MERTK: variants seen among roughly 807,000 people sequenced by gnomAD.
MERTK encodes the protein tyrosine-protein kinase Mer.
Under a neutral mutation model 99.3 loss-of-function variants are expected in MERTK, and 69 were observed. That is an observed-to-expected ratio of 0.70 (90% CI 0.57 to 0.85). The LOEUF is 0.85. Ranked by LOEUF, MERTK falls within the 40% of genes least tolerant of loss-of-function variation. The pLI, the probability that MERTK is intolerant of heterozygous loss-of-function variation, is 0.00. For missense variants in MERTK, 1,125 were observed against 1,249.4 expected (o/e 0.90, Z 1.50); for synonymous variants, 426 against 467.6 (o/e 0.91, Z 1.15).
At chr2:111,928,054 A>C (rs1453524731) in intron 1 of MERTK, among the ~76,000 whole-genome samples, 1 of 152,160 alleles carries the variant, frequency 6.6e-6, no homozygotes, top group Non-Finnish European at 1.5e-5. Context: ...AAACCATCTA[A>C]AATACTTGTG....
chr2:111,937,242 C>T (rs1684780170), intron 2 of MERTK, among the ~76,000 whole-genome samples: 2 of 151,044 alleles, frequency 1.3e-5, no homozygotes, highest in South Asian at 2.1e-4. Flanking sequence ...CCAGGGAGTT[C>T]GAGACCAGCC....
At position 111,898,774 on chromosome 2, in the gene MERTK, C is replaced by A; in HGVS notation, c.39C>A (p.Phe13Leu). 1.2e-6 allele frequency: 2 copies of A among 1,600,776 alleles called. No homozygotes were observed. The highest frequency in any genetic ancestry group is 1.7e-6 in the Non-Finnish European group (2 of 1,174,426). ...CGCTGCCGCTGCTGCTGGGCCTCTT[C>A]CTCCCCGCGCTCTGGCGTAGAGGTG... ...PAPLPLLLGL[F>L]LPALWRRAIT... The change falls in exon 1 of 19, where the codon TTC (phenylalanine) becomes TTA (leucine). Residue 13 changes from phenylalanine to leucine, a missense_variant. Phe to Leu is a conservative substitution (Grantham distance 22). Coordinates refer to ENST00000295408, the MANE Select transcript of MERTK (RefSeq NM_006343.3).
At chr2:112,008,269 T>C (rs1443215946) in intron 13 of MERTK, 114 bp from the exon 14 acceptor site, 36 of 773,654 alleles carry the variant, frequency 4.7e-5, no homozygotes, top group Admixed American at 3.6e-4. Context: ...TTCCTGTCTC[T>C]ATACTTTCAT....
At chr2:111,998,050 G>A (rs911097258) in intron 10 of MERTK, among the ~76,000 whole-genome samples, 1 of 152,172 alleles carries the variant, frequency 6.6e-6, no homozygotes, top group Non-Finnish European at 1.5e-5. Flanking sequence ...AGGGGGCTGA[G>A]CCTCCCTCTT....
At chr2:111,947,638 G>A in intron 4 of MERTK, 71 bp downstream of exon 4, 2 of 1,550,782 alleles carry the variant, frequency 1.3e-6, no homozygotes, top group Non-Finnish European at 1.8e-6. Context: ...GGCGACCCTT[G>A]CTGTGCACCA....
chr2:111,970,191 C>G (rs985588201), intron 6 of MERTK, among the ~76,000 whole-genome samples: 5 of 151,058 alleles, frequency 3.3e-5, no homozygotes, highest in Non-Finnish European at 7.4e-5. Context: ...TAGTCTCGCT[C>G]TGTTACCTAG....
intron 6 of MERTK, among the ~76,000 whole-genome samples, chr2:111,970,801 C>T (rs371497775): frequency 0.14 from 2,971 of 21,256 alleles, 337 homozygotes; most frequent in Middle Eastern, 0.33. Context: ...CTCCTCCTCC[C>T]CCCTCCTCCT....
intron 16 of MERTK, among the ~76,000 whole-genome samples, chr2:112,020,853 G>T (rs1677327159): frequency 6.6e-6 from 1 of 151,914 alleles, no homozygotes; most frequent in South Asian, 2.1e-4. Context: ...CTGTGCACAG[G>T]TGCCCTTGCT....
chr2:111,961,305 C>A (rs71414617), intron 4 of MERTK, among the ~76,000 whole-genome samples: 1 of 151,076 alleles, frequency 6.6e-6, no homozygotes, highest in African/African-American at 2.4e-5. Context: ...GGACTACAGG[C>A]GCCCGCCACA....
intron 16 of MERTK, among the ~76,000 whole-genome samples, chr2:112,021,148 C>T (rs565627246): frequency 3.9e-5 from 6 of 151,980 alleles, no homozygotes; most frequent in East Asian, 1.9e-4. Flanking sequence ...TGCTGTGAGC[C>T]GAGATCATGC....
chr2:112,011,280 C>A (rs1677097532), intron 15 of MERTK, among the ~76,000 whole-genome samples: 1 of 152,190 alleles, frequency 6.6e-6, no homozygotes, highest in African/African-American at 2.4e-5. Flanking sequence ...CTCACTCCCA[C>A]TGGCTCTGCA....
chr2:112,007,632 C>T (rs1049911277), intron 13 of MERTK, among the ~76,000 whole-genome samples: 1 of 152,088 alleles, frequency 6.6e-6, no homozygotes, highest in Non-Finnish European at 1.5e-5. Context: ...AGGCTTGTTT[C>T]ACTTAGCATA....
chr2:111,946,236 C>T (rs1684959496), intron 3 of MERTK, among the ~76,000 whole-genome samples: 1 of 152,098 alleles, frequency 6.6e-6, no homozygotes, highest in Admixed American at 6.5e-5. Context: ...CCTACATTTG[C>T]AGCTAATTTG....
intron 1 of MERTK, among the ~76,000 whole-genome samples, chr2:111,914,259 A>G (rs1684307545): frequency 6.6e-6 from 1 of 151,162 alleles, no homozygotes; most frequent in Non-Finnish European, 1.5e-5. Context: ...GTGCACCACC[A>G]CGCCCGGCTA....
At chr2:111,921,153 G>A (rs1684450577) in intron 1 of MERTK, among the ~76,000 whole-genome samples, 1 of 152,142 alleles carries the variant, frequency 6.6e-6, no homozygotes. Context: ...AGAATGTGGG[G>A]TGGGGGCACT....
intron 8 of MERTK, among the ~76,000 whole-genome samples, chr2:111,990,875 T>G (rs1676601561): frequency 6.6e-6 from 1 of 152,190 alleles, no homozygotes; most frequent in South Asian, 2.1e-4. Context: ...GAATAATTTG[T>G]TTTTGTTAGG....
chr2:111,974,769 CAAAAAAAA>C (rs35594851), intron 6 of MERTK, among the ~76,000 whole-genome samples: 2 of 53,376 alleles, frequency 3.7e-5, no homozygotes, highest in African/African-American at 1.5e-4. Context: ...AGGTCCATCT[CAAAAAAAA>C]AAAAAAAAAA....
At chr2:111,974,967 C>T (rs1249808606) in intron 6 of MERTK, among the ~76,000 whole-genome samples, 1 of 152,006 alleles carries the variant, frequency 6.6e-6, no homozygotes, top group Non-Finnish European at 1.5e-5. Flanking sequence ...GGTCAAGAAT[C>T]GAAGAGGTTC....
chr2:111,925,290 ATATTTT>A (rs1306148987), intron 1 of MERTK, among the ~76,000 whole-genome samples: 8 of 31,508 alleles, frequency 2.5e-4, no homozygotes, highest in African/African-American at 1.0e-3. Context: ...ATATATATAT[ATATTTT>A]TTTTTTTTTT....
Sources: allele counts gnomAD v4.1 joint callset (sites outside exome capture counted in the v4.1 genomes callset), GRCh38; gene constraint gnomAD v4.1.1; transcripts MANE v1.5; gene names NCBI Gene and HGNC (gene_info 2026-07-23, HGNC 2026-07-21).